The following EMC2 variants were observed in gnomAD, a reference collection of about 807,000 sequenced individuals.
EMC2 encodes ER membrane protein complex subunit 2, also known as TPR repeat protein 35.
Under a neutral mutation model 51.6 loss-of-function variants are expected in EMC2, and 37 were observed. The ratio of observed to expected loss-of-function variants is 0.72; its 90% CI spans 0.55 to 0.94. EMC2 has a LOEUF of 0.94. Among genes scored for constraint, EMC2 ranks in the 40% least tolerant of loss-of-function variants. EMC2 has a pLI of 0.00. For synonymous variants in EMC2, 131 were observed against 112.4 expected, an observed-to-expected ratio of 1.17 and a Z score of -1.04; for missense variants, 359 against 350.9, an observed-to-expected ratio of 1.02 and a Z score of -0.18.
At chr8:108,467,177 C>G (rs1005313552) in intron 5 of EMC2, among the ~76,000 whole-genome samples, 1 of 152,080 alleles carries the variant, frequency 6.6e-6, no homozygotes, top group Non-Finnish European at 1.5e-5. Flanking sequence ...CTTCAGTGTC[C>G]AGTACTGTTT....
At chr8:108,446,417 T>C (rs1010652876) in intron 1 of EMC2, 7 of 263,320 alleles carry the variant, frequency 2.7e-5, no homozygotes, top group African/African-American at 1.6e-4. Context: ...GAAGCTATCC[T>C]AGCAATTTTA....
chr8:108,472,025 G>C (rs1393573348), intron 7 of EMC2, among the ~76,000 whole-genome samples: 1 of 151,798 alleles, frequency 6.6e-6, no homozygotes, highest in East Asian at 1.9e-4. Context: ...TTATAAAGGA[G>C]AGCAACCATT....
intron 5 of EMC2, among the ~76,000 whole-genome samples, chr8:108,466,857 A>G (rs1722700230): frequency 6.6e-6 from 1 of 152,004 alleles, no homozygotes; most frequent in Admixed American, 6.6e-5. Flanking sequence ...TAATCATTCA[A>G]AACCTAGGGT....
chr8:108,454,466 A>G lies in EMC2; in HGVS notation c.305+1319A>G, dbSNP rs192783312. 5.5e-3 allele frequency among the ~76,000 whole-genome samples: 836 copies of G among 152,220 alleles called. 6 individuals carry two copies. Among genetic ancestry groups the G allele is most frequent in the Middle Eastern group, 0.034 (10 of 294 alleles). On this transcript the variant is annotated intron_variant, in intron 4 of 10. Coordinates refer to ENST00000220853, the MANE Select transcript of EMC2 (RefSeq NM_014673.5). ...TTCAAGTAACACTATACTGATTCAC[A>G]GTTAGGGCAAATACCTTACAACAGA... is the stretch of plus-strand genomic sequence containing the variant.
chr8:108,447,857 G>T (rs561658930), intron 1 of EMC2, among the ~76,000 whole-genome samples: 45 of 152,236 alleles, frequency 3.0e-4, no homozygotes, highest in African/African-American at 1.0e-3. Flanking sequence ...AAAGTTTTAA[G>T]CCACCTTTGA....
intron 7 of EMC2, among the ~76,000 whole-genome samples, chr8:108,472,850 T>A (rs1810881765): frequency 6.6e-6 from 1 of 151,966 alleles, no homozygotes; most frequent in South Asian, 2.1e-4. Context: ...GTATAATAGG[T>A]CGCAGGCAGC....
intron 10 of EMC2, among the ~76,000 whole-genome samples, chr8:108,480,371 T>C (rs938967638): frequency 2.6e-5 from 4 of 152,234 alleles, no homozygotes; most frequent in East Asian, 3.9e-4. Context: ...GAGTTGGAGA[T>C]AGGTTAGGGT....
rs973422121 is a variant in EMC2 at position 108,487,462 on chromosome 8, T to G, written c.*864T>G. Among the ~76,000 whole-genome samples the G allele has an allele frequency of 6.6e-6, 1 of 151,982 alleles. No homozygotes were observed. Among genetic ancestry groups the G allele is most frequent in the African/African-American group, 2.4e-5 (1 of 41,426 alleles). ...CTATCATTACCTTAGTTAGAATTTT[T>G]TATTTTTCTCTTTTCATAATAAACA... is the stretch of plus-strand genomic sequence containing the variant. On this transcript the variant is annotated 3_prime_UTR_variant, in exon 11 of 11. Transcript: ENST00000220853.
intron 7 of EMC2, 37 bp from the exon 8 acceptor site, chr8:108,475,845 C>A (rs754668180): frequency 1.6e-6 from 2 of 1,261,742 alleles, no homozygotes; most frequent in East Asian, 2.4e-5. Context: ...AAATTTGTGA[C>A]TTTAAAAATT....
intron 5 of EMC2, among the ~76,000 whole-genome samples, chr8:108,463,265 G>A (rs1053446676): frequency 1.3e-5 from 2 of 152,310 alleles, no homozygotes; most frequent in Admixed American, 6.5e-5. Flanking sequence ...GATGAGAAAA[G>A]TAATTTGGAG....
At chr8:108,450,243 A>G (rs140090972) in intron 2 of EMC2, among the ~76,000 whole-genome samples, 185 bp from the exon 3 acceptor site, 1 of 152,206 alleles carries the variant, frequency 6.6e-6, no homozygotes, top group East Asian at 1.9e-4. Context: ...TTAACCTTAC[A>G]TTAACATATT....
chr8:108,467,060 T>G (rs750937546), intron 5 of EMC2, among the ~76,000 whole-genome samples: 2 of 152,118 alleles, frequency 1.3e-5, no homozygotes, highest in Non-Finnish European at 2.9e-5. Flanking sequence ...CTATGTAAAA[T>G]GAAGAGATGT....
rs1167889577 is a variant in EMC2 at position 108,450,004 on chromosome 8, G to C, written c.154+68G>C. Reference sequence around the variant, plus strand: ...CATGGGCCTTTTTTTTTTTTTAACTGTTCTTTCATTCATGATTTTTCTACT... The same window carrying C: ...CATGGGCCTTTTTTTTTTTTTAACTCTTCTTTCATTCATGATTTTTCTACT... On this transcript the variant is annotated intron_variant, in intron 2 of 10. Coordinates refer to ENST00000220853, the MANE Select transcript of EMC2 (RefSeq NM_014673.5). 4 of 547,124 alleles carry C rather than the reference G, an allele frequency of 7.3e-6. No homozygotes were observed. In the South Asian group the frequency reaches 1.0e-4, roughly 14 times the overall value. The allele number at this position is 547,124 out of a possible 1,614,324, so 33.9% of individuals were successfully genotyped here.
chr8:108,459,242 C>G (rs1344235421), intron 5 of EMC2, among the ~76,000 whole-genome samples: 1 of 152,192 alleles, frequency 6.6e-6, no homozygotes, highest in Non-Finnish European at 1.5e-5. Context: ...CTGACCCCTC[C>G]AAACTGTTTC....
intron 5 of EMC2, among the ~76,000 whole-genome samples, chr8:108,468,765 T>G (rs1231564545): frequency 6.6e-6 from 1 of 152,204 alleles, no homozygotes; most frequent in Non-Finnish European, 1.5e-5. Context: ...ATAGTATGGT[T>G]TATTGTTTAT....
intron 1 of EMC2, among the ~76,000 whole-genome samples, chr8:108,446,760 T>C (rs1818885970): frequency 6.6e-6 from 1 of 152,176 alleles, no homozygotes. Flanking sequence ...TACAAATAAT[T>C]TTTTTAGATA....
chr8:108,473,623 T>A (rs181379102), intron 7 of EMC2, among the ~76,000 whole-genome samples: 1 of 152,158 alleles, frequency 6.6e-6, no homozygotes, highest in Non-Finnish European at 1.5e-5. Context: ...TTAATTATGA[T>A]TGTGATTATA....
At chr8:108,452,511 G>A (rs1224307127) in intron 3 of EMC2, among the ~76,000 whole-genome samples, 1 of 152,130 alleles carries the variant, frequency 6.6e-6, no homozygotes. Context: ...AGTTTGCAGT[G>A]AGCCAGGATC....
rs555232098 is a variant in EMC2, at chr8:108,483,720, TG to T, written c.808-2790del. Among the ~76,000 whole-genome samples the T allele has an allele frequency of 2.9e-3, 444 of 152,314 alleles. 3 individuals are homozygous for T. Among genetic ancestry groups the T allele is most frequent in the African/African-American group, 0.01 (428 of 41,574 alleles). ...GTTTGGTTGTTTTTGTGTTTTTTTC[TG>T]GTGAGTTTTCTTATAGATCTTACAG... On this transcript the variant is annotated intron_variant, in intron 10 of 10. Transcript: ENST00000220853.
Sources: allele counts gnomAD v4.1 joint callset (sites outside exome capture counted in the v4.1 genomes callset), GRCh38; gene constraint gnomAD v4.1.1; transcripts MANE v1.5; gene names NCBI Gene and HGNC (gene_info 2026-07-23, HGNC 2026-07-21).